Variants in TTI2 observed in about 807,000 individuals in gnomAD.
The protein encoded by TTI2 is TELO2 interacting protein 2, also known as TELO2-interacting protein 2.
Under a neutral mutation model 44.9 loss-of-function variants are expected in TTI2, and 26 were observed. The ratio of observed to expected loss-of-function variants is 0.58; its 90% CI spans 0.42 to 0.80. The LOEUF is 0.80. Among genes scored for constraint, TTI2 ranks in the 30% least tolerant of loss-of-function variants. The pLI is 0.00. For synonymous variants in TTI2, 254 were observed against 250.9 expected, an observed-to-expected ratio of 1.01 and a Z score of -0.12; for missense variants, 582 against 611.6, an observed-to-expected ratio of 0.95 and a Z score of 0.51.
chr8:33,512,548 A>G lies in TTI2; in HGVS notation c.66T>C (p.Ser22=). 1 of 1,614,126 alleles carries G rather than the reference A, an allele frequency of 6.2e-7. No homozygotes were observed. The highest frequency in any genetic ancestry group is 8.5e-7 in the Non-Finnish European group (1 of 1,180,040). The part of the protein sequence containing the change: ...QEDSNLSEEL[S]HSAFGQAFSK... Reference sequence around the variant, plus strand: ...AGAAGGCCTGTCCAAAGGCGGAGTGAGACAACTCCTCGGACAAATTAGAGT... The same window carrying G: ...AGAAGGCCTGTCCAAAGGCGGAGTGGGACAACTCCTCGGACAAATTAGAGT... Residue 22 remains serine, a synonymous_variant, in exon 2 of 8, where the codon TCT becomes TCC. Coordinates refer to ENST00000431156, the MANE Select transcript of TTI2 (RefSeq NM_001102401.4).
intron 4 of TTI2, among the ~76,000 whole-genome samples, chr8:33,505,138 G>A (rs531011126): frequency 1.2e-3 from 182 of 152,188 alleles, no homozygotes; most frequent in Non-Finnish European, 2.0e-3. Flanking sequence ...CAGAAGGATC[G>A]CTTGAACCTG....
At position 33,503,783 on chromosome 8, in the gene TTI2, C is replaced by T. The variant is rs974384495; in HGVS notation, c.1080G>A (p.Arg360=). Residue 360 remains arginine (R), a synonymous_variant, in exon 5 of 8, where the codon AGG becomes AGA. Transcript: ENST00000431156. The stretch of plus-strand genomic sequence containing the variant: ...AAGCCGGCAGGTTTCTTGCGTAGGT[C>T]CTGCGTAAAAGAAGGCGGTGCTCTG... ...MEPEHRLLLR[R]TYARNLPAFV... is the part of the protein sequence containing the mutation. 6.2e-7 allele frequency: 1 copy of T among 1,613,934 alleles called. No homozygotes were observed. The highest frequency in any genetic ancestry group is 2.2e-5 in the East Asian group (1 of 44,870).
At chr8:33,506,615 T>G (rs555827709) in intron 4 of TTI2, among the ~76,000 whole-genome samples, 35 of 151,544 alleles carry the variant, frequency 2.3e-4, no homozygotes, top group Non-Finnish European at 4.4e-4. Flanking sequence ...ATGGTCTTGA[T>G]CTCCTGACCT....
chr8:33,506,999 GTAATA>G (rs1453240337), intron 4 of TTI2, among the ~76,000 whole-genome samples: 1 of 152,082 alleles, frequency 6.6e-6, no homozygotes, highest in Non-Finnish European at 1.5e-5. Context: ...CCAGCCCAAA[GTAATA>G]TACAATTGAC....
In TTI2 at chr8:33,503,538, G is replaced by C. The variant is rs1335109751; in HGVS notation, c.1150C>G (p.Leu384Val). The change falls in exon 6 of 8, where the codon CTG becomes GTG. Residue 384 changes from leucine to valine, a missense_variant. Leu to Val is a conservative substitution (Grantham distance 32). Transcript: ENST00000431156. ...AGATAACCAATGATGACTCTCTCCA[G>C]CCTCTTTAAGTGCCGGACAGTTAGG... ...GILTVRHLKR[L>V]ERVIIGYLEV... The C allele has an allele frequency of 6.2e-7, 1 of 1,614,018 alleles. No homozygotes were observed. The highest frequency in any genetic ancestry group is 1.7e-5 in the Admixed American group (1 of 59,980).
chr8:33,506,830 C>CT (rs1809315698), intron 4 of TTI2, among the ~76,000 whole-genome samples: 1 of 152,038 alleles, frequency 6.6e-6, no homozygotes, highest in African/African-American at 2.4e-5. Flanking sequence ...GTAGTAGGGA[C>CT]TACAGATGCA....
chr8:33,512,363 T>C lies in TTI2; in HGVS notation c.251A>G (p.Gln84Arg). The change falls in exon 2 of 8, where the codon CAG (glutamine) becomes CGG (arginine). Residue 84 changes from glutamine (Q) to arginine (R), a missense_variant. Gln to Arg is a conservative substitution (Grantham distance 43). Transcript: ENST00000431156. The part of the protein sequence containing the change: ...RLRGMPETLG[Q>R]VAKALEKYAA... ...ATACTTCTCCAGGGCTTTTGCTACC[T>C]GCCCCAGTGTCTCCGGCATTCCGCG... 1 of 1,614,236 alleles carries C rather than the reference T, an allele frequency of 6.2e-7. No individual in the cohort carries two copies. The highest frequency in any genetic ancestry group is 8.5e-7 in the Non-Finnish European group (1 of 1,180,046).
chr8:33,503,314 G>T, intron 6 of TTI2, 115 bp downstream of exon 6: 1 of 1,397,466 alleles, frequency 7.2e-7, no homozygotes, highest in Non-Finnish European at 9.9e-7. Flanking sequence ...GTGAAAATGG[G>T]AGGTATTCAA....
chr8:33,503,162 C>A (rs1809162614), intron 6 of TTI2, among the ~76,000 whole-genome samples: 1 of 121,954 alleles, frequency 8.2e-6, no homozygotes, highest in Non-Finnish European at 1.7e-5. Context: ...AAAAGATATA[C>A]TAGAGTTTCA....
rs749414588 is a variant in TTI2 at position 33,498,889 on chromosome 8, C to T, written c.*284G>A. 14 of 579,620 alleles carry T rather than the reference C, an allele frequency of 2.4e-5. No individual in the cohort carries two copies. Among genetic ancestry groups the T allele is most frequent in the Admixed American group, 9.5e-5 (3 of 31,562 alleles). 35.9% of individuals were successfully genotyped at this position (579,620 alleles called of 1,614,324 possible). The stretch of plus-strand genomic sequence containing the variant: ...GCCCGAGAAACTTAACAGATGAGTT[C>T]TTGAATCTGGGATGAGATGACGGAT... On this transcript the variant is annotated 3_prime_UTR_variant, in exon 8 of 8. Transcript: ENST00000431156.
intron 7 of TTI2, 57 bp downstream of exon 7, chr8:33,500,271 T>C: frequency 6.2e-7 from 1 of 1,600,580 alleles, no homozygotes; most frequent in Admixed American, 1.7e-5. Flanking sequence ...TAATCAATCA[T>C]GGGAATTACA....
intron 6 of TTI2, among the ~76,000 whole-genome samples, chr8:33,502,562 C>T (rs1025421963): frequency 3.3e-5 from 5 of 152,008 alleles, no homozygotes; most frequent in Admixed American, 1.3e-4. Flanking sequence ...CAGTGGCCCA[C>T]GCCTATAATC....
chr8:33,512,550 A>T lies in TTI2; in HGVS notation c.64T>A (p.Ser22Thr). 6.2e-7 allele frequency: 1 copy of T among 1,614,120 alleles called. No individual in the cohort carries two copies. The highest frequency in any genetic ancestry group is 8.5e-7 in the Non-Finnish European group (1 of 1,180,044). The change falls in exon 2 of 8, where the codon TCT (serine) becomes ACT (threonine). Residue 22 changes from serine to threonine, a missense_variant. Ser to Thr is a moderately conservative substitution (Grantham distance 58). Coordinates refer to ENST00000431156, the MANE Select transcript of TTI2 (RefSeq NM_001102401.4). Reference sequence around the variant, plus strand: ...AAGGCCTGTCCAAAGGCGGAGTGAGACAACTCCTCGGACAAATTAGAGTCT... The same window carrying T: ...AAGGCCTGTCCAAAGGCGGAGTGAGTCAACTCCTCGGACAAATTAGAGTCT... ...QEDSNLSEEL[S>T]HSAFGQAFSK...
Position 33,498,774 on chromosome 8 carries a change from T to G in TTI2, c.*399A>C, listed in dbSNP as rs1485460710. 2.8e-6 allele frequency: 2 copies of G among 721,376 alleles called. No individual in the cohort carries two copies. The highest frequency in any genetic ancestry group is 4.5e-6 in the Non-Finnish European group (2 of 441,602). 44.7% of individuals were successfully genotyped at this position (721,376 alleles called of 1,614,324 possible). On this transcript the variant is annotated 3_prime_UTR_variant, in exon 8 of 8. Transcript: ENST00000431156. ...TTGTGTTTTTATTATTTATGCCACG[T>G]CAGTGGGGCAAGAAATCTGGAGTGA...
At position 33,512,215 on chromosome 8, in the gene TTI2, G is replaced by A; in HGVS notation, c.399C>T (p.Ser133=). Residue 133 remains serine (S), a synonymous_variant, in exon 2 of 8, where the codon TCC becomes TCT. Coordinates refer to ENST00000431156, the MANE Select transcript of TTI2 (RefSeq NM_001102401.4). ...LLGKVETAKN[S]LVGPAWQTGL... is the part of the protein sequence containing the mutation. ...CCGTCTGCCATGCAGGGCCGACCAG[G>A]GAATTCTTAGCAGTCTCAACTTTCC... 6.2e-7 allele frequency: 1 copy of A among 1,614,154 alleles called. No individual in the cohort carries two copies.
intron 6 of TTI2, among the ~76,000 whole-genome samples, chr8:33,502,607 G>A (rs1005239040): frequency 1.3e-5 from 2 of 152,068 alleles, no homozygotes; most frequent in Admixed American, 6.6e-5. Context: ...GGGAAATCAC[G>A]AGGTCAGGAG....
Position 33,511,989 on chromosome 8 carries a change from G to C in TTI2, c.625C>G (p.Leu209Val). The change falls in exon 2 of 8, where the codon CTT becomes GTT. Residue 209 changes from leucine to valine, a missense_variant. Coordinates refer to ENST00000431156, the MANE Select transcript of TTI2 (RefSeq NM_001102401.4). ...CACTTATACAAGTCGGGTTTGAGAAGCCCTAGTATCACCGAAAGTCTCCCT... is the reference window on the plus strand; with the variant it reads ...CACTTATACAAGTCGGGTTTGAGAACCCCTAGTATCACCGAAAGTCTCCCT... Reference protein sequence around the residue: ...EKGRLSVILGLLKPDLYKESW... With the variant: ...EKGRLSVILGVLKPDLYKESW... 6.2e-7 allele frequency: 1 copy of C among 1,614,196 alleles called. No individual in the cohort carries two copies. Among genetic ancestry groups the C allele is most frequent in the Non-Finnish European group, 8.5e-7 (1 of 1,180,038 alleles).
chr8:33,512,696 C>G lies in TTI2; in HGVS notation c.-83G>C, dbSNP rs1210281139. 9 of 1,488,130 alleles carry G rather than the reference C, an allele frequency of 6.0e-6. No individual in the cohort carries two copies. In the Admixed American group the frequency reaches 1.3e-4, roughly 21 times the overall value. 92.2% of individuals were successfully genotyped at this position (1,488,130 alleles called of 1,614,324 possible). A position where few individuals can be genotyped will look rare whatever the true frequency, so the allele number is the denominator to read the frequency against. ...AGGGATCCGTTGAAGAGGGAAGGAG[C>G]GATCACCCAAAGAGAACTAAAATCA... On this transcript the variant is annotated 5_prime_UTR_variant, in exon 2 of 8. Transcript: ENST00000431156.
At chr8:33,509,546 T>A (rs1809441877) in intron 3 of TTI2, among the ~76,000 whole-genome samples, 200 bp downstream of exon 3, 1 of 152,164 alleles carries the variant, frequency 6.6e-6, no homozygotes, top group Non-Finnish European at 1.5e-5. Flanking sequence ...GACCCATGCC[T>A]TCCTGTTTCT....
Sources: allele counts gnomAD v4.1 joint callset (sites outside exome capture counted in the v4.1 genomes callset), GRCh38; gene constraint gnomAD v4.1.1; transcripts MANE v1.5; gene names NCBI Gene and HGNC (gene_info 2026-07-23, HGNC 2026-07-21).